CWC25: variants seen among roughly 807,000 people sequenced by gnomAD.
CWC25 encodes CWC25 spliceosome associated protein.
CWC25 carries 31 observed loss-of-function variants against 54.6 expected under a neutral mutation model. That is an observed-to-expected ratio of 0.57 (90% CI 0.43 to 0.77). CWC25 has a LOEUF of 0.77. Among genes scored for constraint, CWC25 ranks in the 30% least tolerant of loss-of-function variants. The pLI is 0.00. For synonymous variants in CWC25, 151 were observed against 187.0 expected, an observed-to-expected ratio of 0.81 and a Z score of 1.57; for missense variants, 453 against 529.3, an observed-to-expected ratio of 0.86 and a Z score of 1.41.
At chr17:38,805,611 G>A (rs1911203186) in intron 8 of CWC25, among the ~76,000 whole-genome samples, 1 of 152,124 alleles carries the variant, frequency 6.6e-6, no homozygotes, top group African/African-American at 2.4e-5. Flanking sequence ...ACCACACCCA[G>A]AGAGAATAAT....
chr17:38,819,428 G>A (rs1196036226), intron 2 of CWC25, among the ~76,000 whole-genome samples: 1 of 150,254 alleles, frequency 6.7e-6, no homozygotes, highest in Non-Finnish European at 1.5e-5. Context: ...GTACACTGGC[G>A]CAATCTCAGC....
chr17:38,805,358 G>A (rs116480053), intron 8 of CWC25, among the ~76,000 whole-genome samples: 1,645 of 152,260 alleles, frequency 0.011, 36 homozygotes, highest in African/African-American at 0.038. Flanking sequence ...TGTATTTTTA[G>A]GAATATGTAG....
chr17:38,810,604 T>G lies in CWC25; in HGVS notation c.499-9A>C, dbSNP rs1189018588. The G allele has an allele frequency of 7.6e-7, 1 of 1,318,152 alleles. No individual in the cohort carries two copies. Among genetic ancestry groups the G allele is most frequent in the Admixed American group, 2.0e-5 (1 of 50,748 alleles). The allele number at this position is 1,318,152 out of a possible 1,614,324, so 81.7% of individuals were successfully genotyped here. Reference sequence around the variant, plus strand: ...TCCAGACTCATTTGCAACTGGAAAATGCCGAGAACACAAGCACACAAGATT... The same window carrying G: ...TCCAGACTCATTTGCAACTGGAAAAGGCCGAGAACACAAGCACACAAGATT... On this transcript the variant is annotated splice_polypyrimidine_tract_variant and intron_variant, in intron 4 of 9. Transcript: ENST00000614790.
intron 8 of CWC25, 40 bp from the exon 9 acceptor site, chr17:38,802,901 CA>C: frequency 2.5e-6 from 4 of 1,608,170 alleles, no homozygotes; most frequent in Non-Finnish European, 8.5e-7. Flanking sequence ...TCTCTTCCAG[CA>C]AAAAAACCAG....
chr17:38,810,234 T>A (rs1911426308), intron 5 of CWC25: 1 of 535,738 alleles, frequency 1.9e-6, no homozygotes, highest in East Asian at 3.2e-5. Context: ...TCAGCATTAT[T>A]AAGGGTCTCT....
At chr17:38,815,346 A>G (rs1911654669) in intron 2 of CWC25, among the ~76,000 whole-genome samples, 1 of 152,154 alleles carries the variant, frequency 6.6e-6, no homozygotes, top group African/African-American at 2.4e-5. Flanking sequence ...ACTTGAGGTC[A>G]GGAGTTCGAG....
chr17:38,802,396 G>A (rs542035862), intron 9 of CWC25, among the ~76,000 whole-genome samples, 190 bp from the exon 10 acceptor site: 4 of 152,298 alleles, frequency 2.6e-5, no homozygotes, highest in East Asian at 1.9e-4. Flanking sequence ...GTCCATAAGG[G>A]AAAATGTATC....
In CWC25 at chr17:38,801,942, G is replaced by C; in HGVS notation, c.*150C>G. On this transcript the variant is annotated 3_prime_UTR_variant, in exon 10 of 10. Transcript: ENST00000614790. ...TCACACTAGCTCTCAAAGGAAGTGA[G>C]CTGTTTCAGGACTCAATGAAGCAGG... The C allele has an allele frequency of 1.9e-6, 1 of 534,690 alleles. No homozygotes were observed. Among genetic ancestry groups the C allele is most frequent in the Non-Finnish European group, 3.3e-6 (1 of 300,784 alleles). The allele number at this position is 534,690 out of a possible 1,614,324, so 33.1% of individuals were successfully genotyped here.
intron 3 of CWC25, among the ~76,000 whole-genome samples, chr17:38,814,106 C>T (rs1911600746): frequency 6.6e-6 from 1 of 151,914 alleles, no homozygotes; most frequent in Non-Finnish European, 1.5e-5. Flanking sequence ...CGTGATCCGC[C>T]CGCCTCGGCC....
chr17:38,815,595 C>T (rs1044001410), intron 2 of CWC25: 9 of 921,746 alleles, frequency 9.8e-6, no homozygotes, highest in East Asian at 1.2e-4. Flanking sequence ...ATGAGGCTTA[C>T]GAGTGAATGG....
At chr17:38,825,127 G>A in intron 1 of CWC25, 39 bp downstream of exon 1, 5 of 1,257,058 alleles carry the variant, frequency 4.0e-6, no homozygotes, top group Middle Eastern at 2.0e-4. Context: ...TTTCCGTCCC[G>A]GCCTCAGTCC....
At chr17:38,811,603 T>G (rs1219028131) in intron 4 of CWC25, among the ~76,000 whole-genome samples, 1 of 149,630 alleles carries the variant, frequency 6.7e-6, no homozygotes, top group African/African-American at 2.5e-5. Flanking sequence ...GGGGCGTGGC[T>G]CATGCACAAA....
At chr17:38,819,010 T>TTTAC (rs1555548927) in intron 2 of CWC25, among the ~76,000 whole-genome samples, 3 of 117,048 alleles carry the variant, frequency 2.6e-5, no homozygotes, top group Non-Finnish European at 6.0e-5. Context: ...AAAATCAATT[T>TTTAC]TTACTTATTT....
At position 38,806,269 on chromosome 17, in the gene CWC25, T is replaced by C. The variant is rs1305230426; in HGVS notation, c.1001+28A>G. The C allele has an allele frequency of 3.8e-6, 6 of 1,574,926 alleles. No individual in the cohort carries two copies. In the Middle Eastern group the frequency reaches 1.0e-3, roughly 264 times the overall value. On this transcript the variant is annotated intron_variant, in intron 8 of 9. Coordinates refer to ENST00000614790, the MANE Select transcript of CWC25 (RefSeq NM_017748.5). The stretch of plus-strand genomic sequence containing the variant: ...CTTCTAGATTCAGGCCTGCAAAATG[T>C]GGTTAATCAACTGGGCTCCTGACTC...
At chr17:38,816,163 A>G (rs1478764936) in intron 2 of CWC25, among the ~76,000 whole-genome samples, 1 of 152,210 alleles carries the variant, frequency 6.6e-6, no homozygotes, top group African/African-American at 2.4e-5. Flanking sequence ...AGCCAATACT[A>G]CATTCACACT....
intron 1 of CWC25, among the ~76,000 whole-genome samples, chr17:38,821,540 C>G (rs1468485200): frequency 6.6e-6 from 1 of 152,176 alleles, no homozygotes; most frequent in Non-Finnish European, 1.5e-5. Context: ...GCCTGGGCGA[C>G]AGAGCAAGAC....
At position 38,821,003 on chromosome 17, in the gene CWC25, T is replaced by A. The variant is rs749033658; in HGVS notation, c.89A>T (p.His30Leu). The A allele has an allele frequency of 6.2e-7, 1 of 1,613,980 alleles. No homozygotes were observed. ...VEKVWKAEQK[H>L]EAERKKIEEL... ...CTCAATCTTCTTCCGCTCAGCCTCA[T>A]GCTTCTGCTCGGCCTTCCACACTTT... The change falls in exon 2 of 10, where the codon CAT (histidine) becomes CTT (leucine). Residue 30 changes from histidine to leucine, a missense_variant. By Grantham distance (99) the His-to-Leu change is moderately conservative. This residue lies in a region of CWC25 where 444 missense variants were observed against 499.2 expected (regional missense o/e 0.89). Coordinates refer to ENST00000614790, the MANE Select transcript of CWC25 (RefSeq NM_017748.5).
At chr17:38,813,784 T>G (rs1270730656) in intron 3 of CWC25, among the ~76,000 whole-genome samples, 1 of 152,140 alleles carries the variant, frequency 6.6e-6, no homozygotes, top group Non-Finnish European at 1.5e-5. Flanking sequence ...GCTCAAGCAA[T>G]CCATCCATCT....
intron 6 of CWC25, among the ~76,000 whole-genome samples, chr17:38,807,594 A>G (rs1911305925): frequency 7.2e-6 from 1 of 138,726 alleles, no homozygotes; most frequent in South Asian, 2.4e-4. Flanking sequence ...TGTCTCTACA[A>G]AATATTTAAA....
Sources: gnomAD v4.1 joint callset for allele counts (sites outside exome capture counted in the v4.1 genomes callset) on GRCh38, gnomAD v4.1.1 for gene constraint, gnomAD v4.1.1 regional missense constraint, MANE v1.5 for transcripts, NCBI Gene and HGNC (gene_info 2026-07-23, HGNC 2026-07-21) for gene names.